TNIK: variants seen among roughly 807,000 people sequenced by gnomAD.
The protein encoded by TNIK is TRAF2 and NCK-interacting protein kinase.
TNIK carries 49 observed loss-of-function variants against 191.3 expected under a neutral mutation model. That is an observed-to-expected ratio of 0.26 (90% CI 0.20 to 0.32). The LOEUF (loss-of-function observed/expected upper bound fraction) is 0.32. TNIK is among the 10% of genes least tolerant of loss of function. The probability of loss-of-function intolerance (pLI) is 1.00; values close to 1 mark genes in which losing one functional copy is unlikely to be tolerated. For synonymous variants in TNIK, 594 were observed against 600.9 expected (o/e 0.99, Z 0.17); for missense variants, 1,155 against 1,702.3 (o/e 0.68, Z 5.66).
rs552864478 is a variant in TNIK, at chr3:171,229,735, T to C, written c.124-1514A>G. Among the ~76,000 whole-genome samples the C allele has an allele frequency of 5.9e-5, 9 of 152,314 alleles. No individual in the cohort carries two copies. The East Asian group carries it at 1.7e-3, about 29-fold the overall frequency. On this transcript the variant is annotated intron_variant, in intron 2 of 32. Transcript: ENST00000436636. ...CTATTTACTCTGATTCTGATGGTGC[T>C]TCCTTCCGCTTTTGACCCCCATTCT... is the stretch of plus-strand genomic sequence containing the variant.
intron 1 of TNIK, among the ~76,000 whole-genome samples, chr3:171,409,777 T>C (rs1413295483): frequency 6.8e-6 from 1 of 147,878 alleles, no homozygotes; most frequent in Non-Finnish European, 1.5e-5. Context: ...TCATCTAGGA[T>C]GCCAAATGTT....
chr3:171,186,591 C>A (rs35121329), intron 7 of TNIK, among the ~76,000 whole-genome samples: 1 of 152,298 alleles, frequency 6.6e-6, no homozygotes, highest in Admixed American at 6.5e-5. Flanking sequence ...CTTGCACAAC[C>A]TACATTCCTG....
intron 4 of TNIK, among the ~76,000 whole-genome samples, chr3:171,200,128 T>C (rs912379530): frequency 2.0e-5 from 3 of 152,166 alleles, no homozygotes; most frequent in African/African-American, 4.8e-5. Context: ...ATCTTTTTAT[T>C]TGGAAGGCAG....
At chr3:171,098,198 G>A (rs1408758356) in intron 22 of TNIK, among the ~76,000 whole-genome samples, 1 of 152,116 alleles carries the variant, frequency 6.6e-6, no homozygotes, top group African/African-American at 2.4e-5. Context: ...GGTATTTGAG[G>A]GAAGACACTA....
rs956062882 is a variant in TNIK at position 171,366,645 on chromosome 3, C to A, written c.123+2975G>T. On this transcript the variant is annotated intron_variant, in intron 2 of 32. Transcript: ENST00000436636. This position sits in a 1 kb window ranked among gnomAD's most constrained non-coding sequence, Gnocchi z 4.1. Reference sequence around the variant, plus strand: ...TAAGGGCTATGTCCATATACTTATTCATAAAATTATACCTGACTTTATGAA... The same window carrying A: ...TAAGGGCTATGTCCATATACTTATTAATAAAATTATACCTGACTTTATGAA... 6.6e-6 allele frequency among the ~76,000 whole-genome samples: 1 copy of A among 152,006 alleles called. No individual in the cohort carries two copies. The highest frequency in any genetic ancestry group is 6.5e-5 in the Admixed American group (1 of 15,270).
rs778197944 is a variant in TNIK at position 171,093,963 on chromosome 3, G to C, written c.2597C>G (p.Thr866Arg). ...CTGCTCGTTGCTGCCTGGAGCTCCT[G>C]TTGGTCTGAGATGAGAAGGAACAAC... Reference protein sequence around the residue: ...AVSDIPRLIPTGAPGSNEQYN... With the variant: ...AVSDIPRLIPRGAPGSNEQYN... Residue 866 changes from threonine to arginine, a missense_variant, in exon 23 of 33, where the codon ACA (threonine) becomes AGA (arginine). This residue lies in a region of TNIK where 735 missense variants were observed against 848.0 expected (regional missense o/e 0.87). Coordinates refer to ENST00000436636, the MANE Select transcript of TNIK (RefSeq NM_015028.4). 1 of 1,612,914 alleles carries C rather than the reference G, an allele frequency of 6.2e-7. No homozygotes were observed. The highest frequency in any genetic ancestry group is 8.5e-7 in the Non-Finnish European group (1 of 1,179,494).
At chr3:171,452,785 T>C (rs553674724) in intron 1 of TNIK, among the ~76,000 whole-genome samples, 138 of 147,652 alleles carry the variant, frequency 9.3e-4, no homozygotes, top group Non-Finnish European at 1.8e-3. Context: ...CGCCTTGCAA[T>C]TCTAACCCAT....
chr3:171,058,592 A>C lies in TNIK; in HGVS notation c.*5289T>G, dbSNP rs1560053394. On this transcript the variant is annotated 3_prime_UTR_variant, in exon 33 of 33. Transcript: ENST00000436636. Reference sequence around the variant, plus strand: ...GAAAAAAAATACCTGAAAGTAACCAAAAGTTTCAGACTGGAAAATATGCCA... The same window carrying C: ...GAAAAAAAATACCTGAAAGTAACCACAAGTTTCAGACTGGAAAATATGCCA... Among the ~76,000 whole-genome samples the C allele has an allele frequency of 6.6e-6, 1 of 152,210 alleles. No individual in the cohort carries two copies. Among genetic ancestry groups the C allele is most frequent in the Non-Finnish European group, 1.5e-5 (1 of 68,040 alleles).
At chr3:171,406,197 T>C (rs149807797) in intron 1 of TNIK, among the ~76,000 whole-genome samples, 2 of 152,222 alleles carry the variant, frequency 1.3e-5, no homozygotes, top group African/African-American at 2.4e-5. Flanking sequence ...TACCATGGGT[T>C]CAGTGGTGGT....
chr3:171,209,175 T>A (rs1740484400), intron 4 of TNIK, among the ~76,000 whole-genome samples: 1 of 151,434 alleles, frequency 6.6e-6, no homozygotes, highest in African/African-American at 2.4e-5. Context: ...GACATTATAA[T>A]TAAAAAAAAA....
chr3:171,137,562 A>C (rs1365135757), intron 15 of TNIK, among the ~76,000 whole-genome samples: 1 of 152,118 alleles, frequency 6.6e-6, no homozygotes, highest in Non-Finnish European at 1.5e-5. Flanking sequence ...CCTCCCATCC[A>C]AGCAGTTTTT....
intron 2 of TNIK, among the ~76,000 whole-genome samples, chr3:171,289,700 G>A (rs752433191): frequency 6.6e-6 from 1 of 152,104 alleles, no homozygotes; most frequent in Non-Finnish European, 1.5e-5. Flanking sequence ...CCAGGAGTTT[G>A]AGACCAGCCT....
chr3:171,210,381 G>A (rs1740646758), intron 4 of TNIK, among the ~76,000 whole-genome samples: 2 of 152,178 alleles, frequency 1.3e-5, no homozygotes, highest in African/African-American at 4.8e-5. Flanking sequence ...ACAGAAACCA[G>A]GAAGGCTCCG....
At chr3:171,247,920 G>A (rs1448145485) in intron 2 of TNIK, among the ~76,000 whole-genome samples, 1 of 152,180 alleles carries the variant, frequency 6.6e-6, no homozygotes, top group African/African-American at 2.4e-5. Flanking sequence ...GAGGCAAAGA[G>A]GGTAGAAAAA....
At chr3:171,355,851 C>A (rs75451578) in intron 2 of TNIK, among the ~76,000 whole-genome samples, 2,877 of 152,192 alleles carry the variant, frequency 0.019, 100 homozygotes, top group African/African-American at 0.066. Flanking sequence ...CCCAGAAATT[C>A]TTTCTTTCCA....
intron 3 of TNIK, among the ~76,000 whole-genome samples, chr3:171,217,245 T>A (rs984156723): frequency 1.3e-5 from 2 of 152,144 alleles, no homozygotes; most frequent in African/African-American, 4.8e-5. Context: ...CATGTCCTTT[T>A]CAGTAACATG....
intron 16 of TNIK, 66 bp downstream of exon 16, chr3:171,128,648 G>A (rs778252790): frequency 2.0e-5 from 31 of 1,518,372 alleles, no homozygotes; most frequent in Non-Finnish European, 2.7e-5. Flanking sequence ...AATTCCCTAG[G>A]CTTTTAATAA....
intron 27 of TNIK, among the ~76,000 whole-genome samples, chr3:171,081,883 A>T (rs899879404): frequency 6.6e-6 from 1 of 152,142 alleles, no homozygotes; most frequent in African/African-American, 2.4e-5. Flanking sequence ...ATTTCTGCTT[A>T]CTAAATGTCC....
intron 2 of TNIK, among the ~76,000 whole-genome samples, chr3:171,317,649 G>A (rs1380246365): frequency 6.6e-6 from 1 of 152,172 alleles, no homozygotes; most frequent in Non-Finnish European, 1.5e-5. Context: ...ACAAGAAAGG[G>A]AAAGAAAGCT....
Sources: allele counts gnomAD v4.1 joint callset (sites outside exome capture counted in the v4.1 genomes callset), GRCh38; gene constraint gnomAD v4.1.1; regional missense constraint gnomAD v4.1.1; non-coding constraint Gnocchi (gnomAD v3.1); transcripts MANE v1.5; gene names NCBI Gene and HGNC (gene_info 2026-07-23, HGNC 2026-07-21).